The following IL1RAPL1 variants were observed in gnomAD, a reference collection of about 807,000 sequenced individuals.
IL1RAPL1 encodes interleukin-1 receptor accessory protein-like 1.
A neutral mutation model predicts 48.4 loss-of-function variants in IL1RAPL1; 3 were observed. The ratio of observed to expected loss-of-function variants is 0.06; its 90% confidence interval spans 0.03 to 0.16. The LOEUF is 0.16. Ranked by LOEUF, IL1RAPL1 falls within the 10% of genes least tolerant of loss-of-function variation. IL1RAPL1 has a pLI of 1.00. For missense variants in IL1RAPL1, 349 were observed against 530.6 expected, an observed-to-expected ratio of 0.66 and a Z score of 3.36; for synonymous variants, 185 against 187.7, an observed-to-expected ratio of 0.99 and a Z score of 0.12.
At chrX:29,941,880 G>T in intron 9 of IL1RAPL1, 86 bp downstream of exon 9, 1 of 867,323 alleles carries the variant, frequency 1.2e-6, no homozygotes, top group Admixed American at 2.4e-5. Flanking sequence ...AAAATTACGT[G>T]CATAATCAAT....
intron 6 of IL1RAPL1, among the ~76,000 whole-genome samples, chrX:29,703,059 A>G (rs1329950260): frequency 8.9e-6 from 1 of 112,230 alleles, no homozygotes; most frequent in Non-Finnish European, 1.9e-5. Context: ...GGAGAGGTCA[A>G]TAATAAGACA....
At chrX:29,367,653 T>C (rs977981929) in intron 3 of IL1RAPL1, among the ~76,000 whole-genome samples, 2 of 108,833 alleles carry the variant, frequency 1.8e-5, no homozygotes, top group Non-Finnish European at 3.8e-5. Context: ...CAATATTGGC[T>C]CAGTGCAACC....
At chrX:29,689,042 C>A (rs1229012457) in intron 6 of IL1RAPL1, among the ~76,000 whole-genome samples, 2 of 111,241 alleles carry the variant, frequency 1.8e-5, no homozygotes, top group African/African-American at 6.5e-5. Context: ...GTGAATTTTA[C>A]AGTATTCAGT....
chrX:29,728,023 C>T (rs1233133799), intron 6 of IL1RAPL1, among the ~76,000 whole-genome samples: 1 of 110,788 alleles, frequency 9.0e-6, no homozygotes, highest in Non-Finnish European at 1.9e-5. Context: ...CTGCAAGCTC[C>T]GCCTCCCGGG....
chrX:29,923,048 T>A (rs894949874), intron 8 of IL1RAPL1, among the ~76,000 whole-genome samples: 2 of 112,190 alleles, frequency 1.8e-5, no homozygotes, highest in Admixed American at 1.9e-4. Flanking sequence ...TACCTTTTGT[T>A]CATTATCATT....
At chrX:29,040,928 TAAAG>T (rs1460532420) in intron 2 of IL1RAPL1, among the ~76,000 whole-genome samples, 1 of 112,307 alleles carries the variant, frequency 8.9e-6, no homozygotes, top group Non-Finnish European at 1.9e-5. Flanking sequence ...ATGGTGAAAA[TAAAG>T]AGGACATTTT....
At chrX:28,966,496 G>A (rs1442441836) in intron 2 of IL1RAPL1, among the ~76,000 whole-genome samples, 3 of 111,452 alleles carry the variant, frequency 2.7e-5, no homozygotes, top group East Asian at 5.7e-4. Context: ...TCCTTATGTG[G>A]CTTTGCAAAA....
intron 8 of IL1RAPL1, among the ~76,000 whole-genome samples, chrX:29,938,582 A>G (rs1464243215): frequency 8.9e-6 from 1 of 112,394 alleles, no homozygotes; most frequent in African/African-American, 3.2e-5. Flanking sequence ...AGAAAAATCA[A>G]AATGTTAAAG....
At chrX:28,748,507 T>A in intron 1 of IL1RAPL1, among the ~76,000 whole-genome samples, 1 of 112,049 alleles carries the variant, frequency 8.9e-6, no homozygotes, top group Middle Eastern at 4.7e-3. Context: ...CAACAAAATT[T>A]GTTTTTAAAT....
At chrX:29,199,682 G>C (rs1404155024) in intron 2 of IL1RAPL1, among the ~76,000 whole-genome samples, 2 of 112,072 alleles carry the variant, frequency 1.8e-5, no homozygotes, top group South Asian at 3.7e-4. Context: ...GACAGGAGGC[G>C]GAGCTCAGGT....
At chrX:29,281,026 G>A (rs1273060031) in intron 2 of IL1RAPL1, among the ~76,000 whole-genome samples, 1 of 112,001 alleles carries the variant, frequency 8.9e-6, no homozygotes, top group Non-Finnish European at 1.9e-5. Flanking sequence ...ATAATTTTAA[G>A]ATAATAAATG....
chrX:29,486,090 T>TAG, intron 5 of IL1RAPL1, among the ~76,000 whole-genome samples: 1 of 111,414 alleles, frequency 9.0e-6, no homozygotes, highest in South Asian at 3.8e-4. Context: ...TGCATGCTCC[T>TAG]AGAGAGTTAC....
chrX:29,473,395 A>G (rs1271205874), intron 5 of IL1RAPL1, among the ~76,000 whole-genome samples: 1 of 110,826 alleles, frequency 9.0e-6, no homozygotes, highest in Admixed American at 9.6e-5. Context: ...ATGGGACACA[A>G]TTCAGCCTGT....
intron 2 of IL1RAPL1, among the ~76,000 whole-genome samples, chrX:29,102,147 A>G (rs1928353489): frequency 9.0e-6 from 1 of 110,916 alleles, no homozygotes; most frequent in South Asian, 3.8e-4. Context: ...ACACCCTTAA[A>G]AAAAACTGGG....
chrX:29,140,037 T>G (rs1652994353), intron 2 of IL1RAPL1, among the ~76,000 whole-genome samples: 1 of 111,342 alleles, frequency 9.0e-6, no homozygotes, highest in South Asian at 3.8e-4. Context: ...TGCTCCTGGT[T>G]AGGGCCTCAG....
chrX:29,623,705 T>G (rs1054520592), intron 5 of IL1RAPL1, among the ~76,000 whole-genome samples: 39 of 112,366 alleles, frequency 3.5e-4, no homozygotes, highest in African/African-American at 1.2e-3. Flanking sequence ...TTGATGCCAG[T>G]AAATAATTTT....
intron 2 of IL1RAPL1, among the ~76,000 whole-genome samples, chrX:29,202,844 G>T (rs189842105): frequency 3.1e-4 from 35 of 111,329 alleles, no homozygotes; most frequent in African/African-American, 1.1e-3. Flanking sequence ...GACAACGGAT[G>T]CCAAGGCCTA....
intron 5 of IL1RAPL1, among the ~76,000 whole-genome samples, chrX:29,611,882 T>G (rs1924106763): frequency 9.0e-6 from 1 of 111,219 alleles, no homozygotes; most frequent in Admixed American, 9.6e-5. Flanking sequence ...TGTCCTTGCC[T>G]GATCTCCTCT....
At chrX:29,332,800 C>A (rs867343208) in intron 3 of IL1RAPL1, among the ~76,000 whole-genome samples, 1 of 110,564 alleles carries the variant, frequency 9.0e-6, no homozygotes, top group Non-Finnish European at 1.9e-5. Flanking sequence ...TGCGGCCTTC[C>A]GCAGTGTTTG....
Sources: gnomAD v4.1 joint callset for allele counts (sites outside exome capture counted in the v4.1 genomes callset) on GRCh38, gnomAD v4.1.1 for gene constraint, MANE v1.5 for transcripts, NCBI Gene and HGNC (gene_info 2026-07-23, HGNC 2026-07-21) for gene names.